Variants in CSMD1 observed in about 807,000 individuals in gnomAD.
CSMD1 encodes CUB and sushi domain-containing protein 1.
CSMD1 carries 213 observed loss-of-function variants against 417.5 expected under a neutral mutation model. That is an observed-to-expected ratio of 0.51 (90% CI 0.46 to 0.57). The LOEUF (loss-of-function observed/expected upper bound fraction) is 0.57, where lower values mean the gene tolerates loss of function less well. Ranked by LOEUF, CSMD1 falls within the 20% of genes least tolerant of loss-of-function variation. The pLI, the probability that CSMD1 is intolerant of heterozygous loss-of-function variation, is 0.00. For synonymous variants in CSMD1, 2,862 were observed against 1,736.8 expected (o/e 1.65, Z -16.11); for missense variants, 6,923 against 4,529.7 (o/e 1.53, Z -15.17).
At chr8:4,075,401 T>C (rs762389980) in intron 3 of CSMD1, among the ~76,000 whole-genome samples, 10 of 152,198 alleles carry the variant, frequency 6.6e-5, no homozygotes, top group South Asian at 2.1e-4. Context: ...AACTCAAATG[T>C]TATTTTTAAT....
At chr8:4,938,663 G>C (rs995165463) in intron 1 of CSMD1, among the ~76,000 whole-genome samples, 1 of 152,104 alleles carries the variant, frequency 6.6e-6, no homozygotes, top group African/African-American at 2.4e-5. Flanking sequence ...TTGAACTCCA[G>C]GATCAAGCCT....
intron 1 of CSMD1, among the ~76,000 whole-genome samples, chr8:4,864,755 A>G (rs1320913625): frequency 6.6e-6 from 1 of 151,708 alleles, no homozygotes; most frequent in Non-Finnish European, 1.5e-5. Context: ...ATGAGTCATA[A>G]CAATTTGATT....
intron 1 of CSMD1, among the ~76,000 whole-genome samples, chr8:4,978,598 C>G (rs1164532326): frequency 2.0e-5 from 3 of 152,188 alleles, no homozygotes; most frequent in African/African-American, 7.2e-5. Context: ...ATTTAAAACA[C>G]TCAAAAGTAG....
chr8:3,456,869 C>T (rs1585193127), intron 12 of CSMD1, among the ~76,000 whole-genome samples: 1 of 152,240 alleles, frequency 6.6e-6, no homozygotes, highest in African/African-American at 2.4e-5. Flanking sequence ...GGTCTCTTGG[C>T]TAAGCTCTAG....
chr8:4,929,826 G>T (rs930428563), intron 1 of CSMD1, among the ~76,000 whole-genome samples: 23 of 152,116 alleles, frequency 1.5e-4, no homozygotes, highest in African/African-American at 5.1e-4. Flanking sequence ...TTCCCTCACT[G>T]CCAAAAACAT....
At chr8:4,927,201 C>T (rs151236429) in intron 1 of CSMD1, among the ~76,000 whole-genome samples, 13 of 151,236 alleles carry the variant, frequency 8.6e-5, no homozygotes, top group East Asian at 3.9e-4. Context: ...CCACCTCCCA[C>T]GTTCAAGTGC....
rs1554461217 is a variant in CSMD1, at chr8:4,732,344, C to CGCGT, written c.86-94787_86-94786insACGC. On this transcript the variant is annotated intron_variant, in intron 1 of 69. Coordinates refer to ENST00000635120, the MANE Select transcript of CSMD1 (RefSeq NM_033225.6). ...AGTTAATAGATTTAAATTTCTTCTG[C>CGCGT]GTGTGTGTGTGTGTGTGTGTGTGTG... 5.7e-5 allele frequency among the ~76,000 whole-genome samples: 8 copies of CGCGT among 141,142 alleles called. No individual in the cohort carries two copies. The South Asian group carries it at 1.4e-3, about 25-fold the overall frequency. 92.6% of individuals were successfully genotyped at this position (141,142 alleles called of 152,430 possible). A position where few individuals can be genotyped will look rare whatever the true frequency, so the allele number is the denominator to read the frequency against.
intron 1 of CSMD1, among the ~76,000 whole-genome samples, chr8:4,679,931 G>C (rs1337598902): frequency 6.6e-6 from 1 of 152,034 alleles, no homozygotes; most frequent in Non-Finnish European, 1.5e-5. Context: ...CAAATTAATT[G>C]CAAGTTTTTA....
chr8:3,842,210 G>T (rs369095455), intron 5 of CSMD1, among the ~76,000 whole-genome samples: 1 of 152,058 alleles, frequency 6.6e-6, no homozygotes, highest in African/African-American at 2.4e-5. Flanking sequence ...CATTTTCCAA[G>T]CCTCTTGTAG....
chr8:3,087,754 T>G (rs1814648389), intron 48 of CSMD1, among the ~76,000 whole-genome samples: 1 of 152,358 alleles, frequency 6.6e-6, no homozygotes, highest in Non-Finnish European at 1.5e-5. Context: ...GGCTGCAGGT[T>G]GACTTGGTCT....
intron 26 of CSMD1, among the ~76,000 whole-genome samples, chr8:3,233,522 A>C (rs1798969027): frequency 6.6e-6 from 1 of 152,174 alleles, no homozygotes; most frequent in Admixed American, 6.5e-5. Context: ...ATACACTAAA[A>C]TGGTTTGTTC....
intron 4 of CSMD1, among the ~76,000 whole-genome samples, chr8:4,013,241 C>G (rs1207211908): frequency 6.6e-6 from 1 of 152,140 alleles, no homozygotes; most frequent in Non-Finnish European, 1.5e-5. Flanking sequence ...CTCCTATCCT[C>G]TGACTGTCTC....
At chr8:4,607,851 T>A (rs1369643448) in intron 2 of CSMD1, among the ~76,000 whole-genome samples, 1 of 152,212 alleles carries the variant, frequency 6.6e-6, no homozygotes, top group Non-Finnish European at 1.5e-5. Flanking sequence ...ATTTTCTGAA[T>A]CTTCCTCACT....
intron 37 of CSMD1, among the ~76,000 whole-genome samples, chr8:3,180,296 C>T (rs1018847570): frequency 6.6e-6 from 1 of 152,138 alleles, no homozygotes; most frequent in African/African-American, 2.4e-5. Flanking sequence ...AGGTTAGAGT[C>T]GACTGTGCGA....
chr8:3,041,504 G>C (rs1188473197), intron 50 of CSMD1, among the ~76,000 whole-genome samples: 3 of 152,114 alleles, frequency 2.0e-5, no homozygotes, highest in South Asian at 2.1e-4. Flanking sequence ...CATAGCATCA[G>C]GTTATTTCTT....
At chr8:4,570,724 G>C (rs955799655) in intron 2 of CSMD1, among the ~76,000 whole-genome samples, 1 of 152,166 alleles carries the variant, frequency 6.6e-6, no homozygotes, top group Non-Finnish European at 1.5e-5. Context: ...AATGGTACAA[G>C]CTCCTCTTTG....
intron 2 of CSMD1, among the ~76,000 whole-genome samples, chr8:4,611,466 T>C (rs970763406): frequency 6.6e-6 from 1 of 152,188 alleles, no homozygotes; most frequent in African/African-American, 2.4e-5. Flanking sequence ...ATTTCCTGAT[T>C]GTATAGTTTT....
intron 1 of CSMD1, among the ~76,000 whole-genome samples, chr8:4,992,750 CA>C (rs546591949): frequency 7.2e-5 from 11 of 152,366 alleles, no homozygotes; most frequent in African/African-American, 2.6e-4. Flanking sequence ...CCGGCAATGT[CA>C]GAGGCACCGG....
At chr8:3,877,879 C>A (rs927926566) in intron 5 of CSMD1, among the ~76,000 whole-genome samples, 3 of 151,736 alleles carry the variant, frequency 2.0e-5, no homozygotes, top group African/African-American at 7.3e-5. Context: ...CTAAACCATT[C>A]AGAAGGAAAA....
Sources: gnomAD v4.1 joint callset for allele counts (sites outside exome capture counted in the v4.1 genomes callset) on GRCh38, gnomAD v4.1.1 for gene constraint, MANE v1.5 for transcripts, NCBI Gene and HGNC (gene_info 2026-07-23, HGNC 2026-07-21) for gene names.